Variants in SCRG1 observed in about 807,000 individuals in gnomAD.
SCRG1 encodes scrapie-responsive protein 1.
SCRG1 carries 3 observed loss-of-function variants against 7.7 expected under a neutral mutation model. The observed-to-expected ratio is 0.39, with a 90% CI of 0.18 to 1.01. SCRG1 has a LOEUF of 1.01. Among genes scored for constraint, SCRG1 ranks in the 50% least tolerant of loss-of-function variants. SCRG1 has a pLI of 0.36. For synonymous variants in SCRG1, 46 were observed against 41.2 expected (o/e 1.12, Z -0.44); for missense variants, 110 against 117.2 (o/e 0.94, Z 0.28).
At chr4:173,476,363 A>AAAAAAAAAAAAATATATATATAT in the SCRG1 span, among the ~76,000 whole-genome samples, 20 of 98,494 alleles carry the variant, frequency 2.0e-4, 1 homozygote, top group Admixed American at 1.4e-3. Flanking sequence ...GGAAAAAAAA[A>AAAAAAAAAAAAATATATATATAT]ATATATATAT....
the SCRG1 span, among the ~76,000 whole-genome samples, chr4:173,484,422 TTATATATTATATACATATGATATATAA>T: frequency 4.8e-3 from 257 of 53,730 alleles, 2 homozygotes; most frequent in African/African-American, 7.8e-3. Flanking sequence ...ATAATATATA[TTATATATTATATACATATGATATATAA>T]TATATATTAT....
chr4:173,439,063 A>G, the SCRG1 span, among the ~76,000 whole-genome samples: 1 of 152,070 alleles, frequency 6.6e-6, no homozygotes, highest in Non-Finnish European at 1.5e-5. Flanking sequence ...AGGAGTGATT[A>G]TCCACGTGCT....
the SCRG1 span, among the ~76,000 whole-genome samples, chr4:173,472,723 T>G: frequency 6.6e-6 from 1 of 152,202 alleles, no homozygotes. Context: ...GCCAATTGAT[T>G]GGATGAAGTG....
At chr4:173,484,967 T>TAA in the SCRG1 span, among the ~76,000 whole-genome samples, 1 of 54,668 alleles carries the variant, frequency 1.8e-5, no homozygotes, top group Non-Finnish European at 3.0e-5. Flanking sequence ...ATATATATTA[T>TAA]ATATAATATT....
the SCRG1 span, among the ~76,000 whole-genome samples, chr4:173,483,232 T>TG: frequency 1.0e-4 from 9 of 89,882 alleles, no homozygotes; most frequent in East Asian, 6.0e-4. Context: ...ATATATTATA[T>TG]ATAATATATG....
chr4:173,470,758 A>G, the SCRG1 span, among the ~76,000 whole-genome samples: 7 of 152,350 alleles, frequency 4.6e-5, no homozygotes, highest in South Asian at 1.0e-3. Flanking sequence ...TTTATTTAAT[A>G]GTTTCTTCAA....
chr4:173,419,053 C>A, the SCRG1 span, among the ~76,000 whole-genome samples: 1 of 152,208 alleles, frequency 6.6e-6, no homozygotes, highest in African/African-American at 2.4e-5. Flanking sequence ...TGAGAACCTA[C>A]TAGTGTTAGT....
the SCRG1 span, among the ~76,000 whole-genome samples, chr4:173,485,591 A>G: frequency 0.48 from 72,812 of 151,946 alleles, 20,312 homozygotes; most frequent in Non-Finnish European, 0.63. Context: ...TTGTTATACC[A>G]TACTATCTAA....
At chr4:173,475,151 A>C in the SCRG1 span, among the ~76,000 whole-genome samples, 1 of 152,190 alleles carries the variant, frequency 6.6e-6, no homozygotes, top group Non-Finnish European at 1.5e-5. Context: ...AAAGAGAAAA[A>C]AAAGAGCCTC....
At chr4:173,501,606 C>G in the SCRG1 span, among the ~76,000 whole-genome samples, 2 of 152,052 alleles carry the variant, frequency 1.3e-5, no homozygotes, top group Non-Finnish European at 2.9e-5. This position sits in a 1 kb window ranked among gnomAD's most constrained non-coding sequence, Gnocchi z 5.1. Context: ...GAAGGGGGGG[C>G]CGGGCTCTCC....
the SCRG1 span, among the ~76,000 whole-genome samples, chr4:173,511,262 G>A: frequency 2.0e-5 from 3 of 152,130 alleles, no homozygotes; most frequent in Non-Finnish European, 2.9e-5. This position sits in a 1 kb window ranked among gnomAD's most constrained non-coding sequence, Gnocchi z 5.2. Context: ...ACAGGCGTGA[G>A]CCACCGCGCG....
intron 1 of SCRG1, among the ~76,000 whole-genome samples, chr4:173,395,303 A>G (rs912023622): frequency 1.3e-5 from 2 of 152,236 alleles, no homozygotes; most frequent in African/African-American, 4.8e-5. Context: ...TGGCTAATAC[A>G]ATGCTTGGCC....
the SCRG1 span, among the ~76,000 whole-genome samples, chr4:173,433,891 G>A: frequency 2.0e-5 from 3 of 152,284 alleles, no homozygotes; most frequent in African/African-American, 7.2e-5. Flanking sequence ...TACTCTATGA[G>A]GCTCTCATCT....
At chr4:173,405,006 T>A (rs1288603952) in intron 1 of SCRG1, among the ~76,000 whole-genome samples, 1 of 152,232 alleles carries the variant, frequency 6.6e-6, no homozygotes, top group African/African-American at 2.4e-5. Flanking sequence ...CCATTTTTTA[T>A]AATTAATAAA....
the SCRG1 span, chr4:173,419,686 C>T: frequency 4.1e-4 from 341 of 826,032 alleles, no homozygotes; most frequent in African/African-American, 4.7e-3. Context: ...CAGCTCCCTT[C>T]GGGGCACCAA....
chr4:173,410,158 C>T (rs1167089965), upstream of SCRG1, among the ~76,000 whole-genome samples: 2 of 152,202 alleles, frequency 1.3e-5, no homozygotes, highest in African/African-American at 2.4e-5. Context: ...GAGAGTCTGG[C>T]TCAGTGACAG....
At chr4:173,423,431 A>G in the SCRG1 span, among the ~76,000 whole-genome samples, 3 of 152,166 alleles carry the variant, frequency 2.0e-5, no homozygotes, top group Non-Finnish European at 2.9e-5. Context: ...TTGCTTTACC[A>G]TTTCAGTACT....
At chr4:173,444,508 G>A in the SCRG1 span, among the ~76,000 whole-genome samples, 1 of 152,226 alleles carries the variant, frequency 6.6e-6, no homozygotes, top group African/African-American at 2.4e-5. Context: ...GGGTATGGCT[G>A]TGTTACAATA....
the SCRG1 span, among the ~76,000 whole-genome samples, chr4:173,445,378 C>G: frequency 6.6e-6 from 1 of 151,858 alleles, no homozygotes; most frequent in East Asian, 2.0e-4. Flanking sequence ...GTCAGGAGTT[C>G]AAGACCAGCC....
Sources: allele counts gnomAD v4.1 joint callset (sites outside exome capture counted in the v4.1 genomes callset), GRCh38; gene constraint gnomAD v4.1.1; non-coding constraint Gnocchi (gnomAD v3.1); transcripts MANE v1.5; gene names NCBI Gene and HGNC (gene_info 2026-07-23, HGNC 2026-07-21).